ANKFN1: variants seen among roughly 807,000 people sequenced by gnomAD.
ANKFN1 encodes the protein ankyrin repeat and fibronectin type III domain containing 1.
ANKFN1 carries 74 observed loss-of-function variants against 108.7 expected under a neutral mutation model. The ratio of observed to expected loss-of-function variants is 0.68; its 90% CI spans 0.56 to 0.83. The LOEUF is 0.83. Among genes scored for constraint, ANKFN1 ranks in the 40% least tolerant of loss-of-function variants. The pLI is 0.00. For synonymous variants in ANKFN1, 547 were observed against 516.2 expected, an observed-to-expected ratio of 1.06 and a Z score of -0.81; for missense variants, 1,505 against 1,382.3, an observed-to-expected ratio of 1.09 and a Z score of -1.41.
In ANKFN1 at chr17:56,449,183, C is replaced by T. The variant is rs758805882; in HGVS notation, c.1204C>T (p.Arg402Trp). 4.3e-6 allele frequency: 7 copies of T among 1,611,910 alleles called. No homozygotes were observed. The Admixed American group carries it at 8.4e-5, about 19-fold the overall frequency. ...AGCCCTTCATCAGCATTACAGTTGC[C>T]GGGGTAAGGATAAAAATCTGTGCTG... ...VRALHQHYSCRESTKLQTTGR... is the reference protein window; with the variant it reads ...VRALHQHYSCWESTKLQTTGR... The change falls in exon 11 of 21, where the codon CGG (arginine) becomes TGG (tryptophan). Residue 402 changes from arginine to tryptophan, a missense_variant. Transcript: ENST00000682825.
intron 3 of ANKFN1, among the ~76,000 whole-genome samples, chr17:56,312,681 T>C (rs560890463): frequency 6.6e-6 from 1 of 152,320 alleles, no homozygotes; most frequent in East Asian, 1.9e-4. Context: ...CATCTGATTT[T>C]GTCGTTCATC....
chr17:56,049,160 C>A (rs577434984), intron 4 of ANKFN1, among the ~76,000 whole-genome samples: 14 of 152,242 alleles, frequency 9.2e-5, no homozygotes, highest in African/African-American at 3.1e-4. Flanking sequence ...TGTGTCTTAT[C>A]CATTTGGAGA....
At chr17:56,394,925 G>T (rs2047535624) in intron 8 of ANKFN1, among the ~76,000 whole-genome samples, 1 of 152,158 alleles carries the variant, frequency 6.6e-6, no homozygotes, top group South Asian at 2.1e-4. Flanking sequence ...CTAAGAAATA[G>T]GTGTTGTAGC....
intron 14 of ANKFN1, among the ~76,000 whole-genome samples, chr17:56,459,292 C>G (rs1339601116): frequency 6.6e-6 from 1 of 152,032 alleles, no homozygotes; most frequent in African/African-American, 2.4e-5. Flanking sequence ...TGTATTTTTA[C>G]CAGAGACAGG....
chr17:56,457,680 C>G (rs1013159724), intron 13 of ANKFN1, among the ~76,000 whole-genome samples, 183 bp from the exon 14 acceptor site: 18 of 152,168 alleles, frequency 1.2e-4, no homozygotes, highest in African/African-American at 4.3e-4. Context: ...CTGACCGTTT[C>G]ATTAACATTC....
chr17:56,343,365 G>A (rs1447078789), intron 4 of ANKFN1, among the ~76,000 whole-genome samples: 1 of 151,754 alleles, frequency 6.6e-6, no homozygotes, highest in African/African-American at 2.4e-5. Flanking sequence ...TAGTTTTGTT[G>A]GGTAGAGAAA....
At chr17:56,418,827 CCA>C (rs2048314090) in intron 8 of ANKFN1, among the ~76,000 whole-genome samples, 1 of 151,670 alleles carries the variant, frequency 6.6e-6, no homozygotes, top group Non-Finnish European at 1.5e-5. Flanking sequence ...TCACAAGAAA[CCA>C]CAGAGAGTCC....
chr17:56,225,125 A>G (rs574873748), intron 2 of ANKFN1, among the ~76,000 whole-genome samples: 1 of 152,244 alleles, frequency 6.6e-6, no homozygotes, highest in South Asian at 2.1e-4. Flanking sequence ...AAGTATATGC[A>G]AATAATACAA....
intron 4 of ANKFN1, among the ~76,000 whole-genome samples, chr17:56,343,293 G>A (rs1291784633): frequency 1.3e-5 from 2 of 151,748 alleles, no homozygotes; most frequent in East Asian, 3.9e-4. Flanking sequence ...TGTACAGTAG[G>A]TATAATATCA....
chr17:56,467,549 A>C (rs2050117350), intron 15 of ANKFN1, among the ~76,000 whole-genome samples: 1 of 151,734 alleles, frequency 6.6e-6, no homozygotes, highest in East Asian at 1.9e-4. Flanking sequence ...TTGTGATGGC[A>C]GCCACCTCTA....
rs1173100959 is a variant in ANKFN1, at chr17:56,188,545, A to ATG, written c.-70-24037_-70-24036dup. ...ATATAAGAAATAAAATAAGATGTAT[A>ATG]TGTGTGTGTGTGTGTGTATGTGTGT... On this transcript the variant is annotated intron_variant, in intron 1 of 20. Transcript: ENST00000682825. Among the ~76,000 whole-genome samples, 91 of 87,216 alleles carry ATG rather than the reference A, an allele frequency of 1.0e-3. 1 individual carries two copies. Among genetic ancestry groups the ATG allele is most frequent in the Middle Eastern group, 5.3e-3 (1 of 190 alleles). 57.2% of individuals were successfully genotyped at this position (87,216 alleles called of 152,430 possible).
chr17:56,482,698 T>C (rs1238303229), intron 18 of ANKFN1, 174 bp downstream of exon 18: 1 of 633,680 alleles, frequency 1.6e-6, no homozygotes, highest in African/African-American at 1.9e-5. Flanking sequence ...GCTCCAAGAC[T>C]ATGTGCCTGA....
Position 56,372,643 on chromosome 17 carries a change from T to C in ANKFN1, c.602-3T>C, listed in dbSNP as rs1212355392. On this transcript the variant is annotated splice_region_variant and splice_polypyrimidine_tract_variant and intron_variant, in intron 6 of 20. Coordinates refer to ENST00000682825, the MANE Select transcript of ANKFN1 (RefSeq NM_001370326.1). ...AGAAGTAATCCCATTTCTTTCCCTTTAGTTGTCAGCCTGGAAAGCCGAGCA... is the reference window on the plus strand; with the variant it reads ...AGAAGTAATCCCATTTCTTTCCCTTCAGTTGTCAGCCTGGAAAGCCGAGCA... 2 of 1,610,590 alleles carry C rather than the reference T, an allele frequency of 1.2e-6. No individual in the cohort carries two copies. Among genetic ancestry groups the C allele is most frequent in the Non-Finnish European group, 1.7e-6 (2 of 1,179,056 alleles).
chr17:56,052,172 C>T (rs1417953193), intron 4 of ANKFN1, among the ~76,000 whole-genome samples: 1 of 152,136 alleles, frequency 6.6e-6, no homozygotes, highest in Non-Finnish European at 1.5e-5. Flanking sequence ...TCAAACTATA[C>T]TACAAGGCTA....
chr17:56,220,113 G>A (rs1418746921), intron 2 of ANKFN1, among the ~76,000 whole-genome samples: 1 of 152,168 alleles, frequency 6.6e-6, no homozygotes, highest in Non-Finnish European at 1.5e-5. Context: ...TGGAAAAACT[G>A]TGTAAGCTTG....
chr17:56,373,326 G>T (rs545539395), intron 7 of ANKFN1, among the ~76,000 whole-genome samples: 24 of 152,168 alleles, frequency 1.6e-4, no homozygotes, highest in Non-Finnish European at 3.1e-4. Flanking sequence ...ATCAACTCAA[G>T]AATTACGCTT....
chr17:56,397,033 A>T (rs1329957342), intron 8 of ANKFN1, among the ~76,000 whole-genome samples: 1 of 152,014 alleles, frequency 6.6e-6, no homozygotes. Context: ...CAAAGAAAAG[A>T]AAAATAAAAT....
intron 8 of ANKFN1, among the ~76,000 whole-genome samples, chr17:56,419,354 G>A (rs539609521): frequency 3.3e-5 from 5 of 152,114 alleles, no homozygotes; most frequent in African/African-American, 1.2e-4. Flanking sequence ...GTGGTGGCAA[G>A]CGCCTGTAAT....
At chr17:56,400,806 G>A (rs1347548231) in intron 8 of ANKFN1, among the ~76,000 whole-genome samples, 4 of 152,016 alleles carry the variant, frequency 2.6e-5, no homozygotes, top group African/African-American at 9.7e-5. Flanking sequence ...TCCTACATGT[G>A]GCTAGCCAAT....
Sources: allele counts gnomAD v4.1 joint callset (sites outside exome capture counted in the v4.1 genomes callset), GRCh38; gene constraint gnomAD v4.1.1; transcripts MANE v1.5; gene names NCBI Gene and HGNC (gene_info 2026-07-23, HGNC 2026-07-21).